Variants in EPB41L4A observed in about 807,000 individuals in gnomAD.
EPB41L4A encodes the protein band 4.1-like protein 4A.
EPB41L4A carries 100 observed loss-of-function variants against 108.6 expected under a neutral mutation model. The ratio of observed to expected loss-of-function variants is 0.92; its 90% CI spans 0.78 to 1.09. EPB41L4A has a LOEUF of 1.09. Among genes scored for constraint, EPB41L4A ranks in the 50% least tolerant of loss-of-function variants. EPB41L4A has a pLI of 0.00. For synonymous variants in EPB41L4A, 319 were observed against 289.0 expected (o/e 1.10, Z -1.05); for missense variants, 1,030 against 842.7 (o/e 1.22, Z -2.75).
chr5:112,293,902 T>G (rs1252152714), intron 2 of EPB41L4A, among the ~76,000 whole-genome samples: 1 of 152,250 alleles, frequency 6.6e-6, no homozygotes, highest in African/African-American at 2.4e-5. Flanking sequence ...TATTAAACAC[T>G]GTTTAACCAA....
intron 2 of EPB41L4A, among the ~76,000 whole-genome samples, chr5:112,303,402 C>T (rs1178548682): frequency 1.3e-5 from 2 of 152,120 alleles, no homozygotes; most frequent in Admixed American, 1.3e-4. Context: ...AGGAAATTAT[C>T]TCAGAGGTAA....
At position 112,307,473 on chromosome 5, in the gene EPB41L4A, G is replaced by T. The variant is rs367780924; in HGVS notation, c.117C>A (p.Ser39=). 1 of 1,612,598 alleles carries T rather than the reference G, an allele frequency of 6.2e-7. No homozygotes were observed. The highest frequency in any genetic ancestry group is 1.7e-4 in the Middle Eastern group (1 of 6,052). ...GATGGAATACGTGGTCAAGGACAAC[G>T]GAACCTTTCGTTGACTTCTGCAAAA... ...QQGIKKSTKG[S]VVLDHVFHHV... is the part of the protein sequence containing the mutation. The change falls in exon 2 of 23, where the codon TCC becomes TCA. Residue 39 remains serine (S), a synonymous_variant. Transcript: ENST00000261486.
intron 1 of EPB41L4A, among the ~76,000 whole-genome samples, chr5:112,324,213 C>A (rs1256675340): frequency 1.3e-5 from 2 of 151,956 alleles, no homozygotes; most frequent in Non-Finnish European, 2.9e-5. Flanking sequence ...CAGATGAGAA[C>A]GAAAAATTCT....
chr5:112,200,056 G>C (rs1158471296), intron 15 of EPB41L4A, among the ~76,000 whole-genome samples: 1 of 152,196 alleles, frequency 6.6e-6, no homozygotes, highest in African/African-American at 2.4e-5. Flanking sequence ...GTCCAGGTGG[G>C]CTGTAAGATC....
chr5:112,307,223 A>G (rs1396073210), intron 2 of EPB41L4A, among the ~76,000 whole-genome samples, 163 bp downstream of exon 2: 1 of 152,204 alleles, frequency 6.6e-6, no homozygotes, highest in Non-Finnish European at 1.5e-5. Context: ...TTTTGGCAGA[A>G]GAGGAAAAAA....
intron 12 of EPB41L4A, 127 bp downstream of exon 12, chr5:112,234,506 GA>G: frequency 2.3e-6 from 2 of 853,452 alleles, no homozygotes; most frequent in Non-Finnish European, 3.3e-6. Flanking sequence ...TCTAATATTA[GA>G]AAATTTTAAT....
At chr5:112,360,850 C>A (rs1354124834) in intron 1 of EPB41L4A, among the ~76,000 whole-genome samples, 1 of 151,878 alleles carries the variant, frequency 6.6e-6, no homozygotes, top group Non-Finnish European at 1.5e-5. Flanking sequence ...CCCGCCACTC[C>A]GTCTGGGATG....
At chr5:112,408,662 T>G (rs1762227944) in intron 1 of EPB41L4A, among the ~76,000 whole-genome samples, 2 of 91,246 alleles carry the variant, frequency 2.2e-5, no homozygotes, top group Non-Finnish European at 3.8e-5. Flanking sequence ...GGCAACATGG[T>G]GAGACTCCAT....
chr5:112,192,714 A>G (rs1364133573), intron 17 of EPB41L4A, among the ~76,000 whole-genome samples: 1 of 152,208 alleles, frequency 6.6e-6, no homozygotes, highest in African/African-American at 2.4e-5. Flanking sequence ...TTTGATGGCA[A>G]CCTTTCACTA....
At chr5:112,142,357 A>C (rs1759100303), downstream of EPB41L4A, 3 of 152,196 alleles carry the variant, frequency 2.0e-5, no homozygotes, top group South Asian at 6.2e-4. Context: ...AGCACCATTT[A>C]AGAACTTCCT....
At chr5:112,327,816 G>T (rs1756274724) in intron 1 of EPB41L4A, among the ~76,000 whole-genome samples, 1 of 152,164 alleles carries the variant, frequency 6.6e-6, no homozygotes. Context: ...AGGGAGAGAG[G>T]GAGGGAAGTG....
chr5:112,181,307 C>T (rs184238716), intron 18 of EPB41L4A, among the ~76,000 whole-genome samples: 3 of 152,112 alleles, frequency 2.0e-5, no homozygotes, highest in East Asian at 1.9e-4. Flanking sequence ...AAAAATTAGC[C>T]GGGCGTGGTG....
At position 112,267,153 on chromosome 5, in the gene EPB41L4A, A is replaced by G. The variant is rs188446424; in HGVS notation, c.336-823T>C. ...CTGCTAGTGGACTGAGAGGGGCCAGAGGTTTATGAACCAACATAATTAACC... is the reference window on the plus strand; with the variant it reads ...CTGCTAGTGGACTGAGAGGGGCCAGGGGTTTATGAACCAACATAATTAACC... On this transcript the variant is annotated intron_variant, in intron 4 of 22. Transcript: ENST00000261486. 2.0e-3 allele frequency among the ~76,000 whole-genome samples: 310 copies of G among 152,304 alleles called. 7 individuals carry two copies. Among genetic ancestry groups the G allele is most frequent in the East Asian group, 0.014 (73 of 5,178 alleles).
chr5:112,149,495 G>A (rs541167694), intron 12 of EPB41L4A, among the ~76,000 whole-genome samples: 2 of 152,168 alleles, frequency 1.3e-5, no homozygotes, highest in South Asian at 2.1e-4. Flanking sequence ...GAGACTTTGT[G>A]AGCACTCTAA....
chr5:112,295,703 C>T (rs1263959530), intron 2 of EPB41L4A, among the ~76,000 whole-genome samples: 1 of 152,060 alleles, frequency 6.6e-6, no homozygotes, highest in African/African-American at 2.4e-5. Flanking sequence ...TGTATTTTTC[C>T]ATTTTATACA....
At chr5:112,304,795 T>A (rs1754582640) in intron 2 of EPB41L4A, among the ~76,000 whole-genome samples, 1 of 152,178 alleles carries the variant, frequency 6.6e-6, no homozygotes, top group Non-Finnish European at 1.5e-5. Flanking sequence ...CCTATATCAA[T>A]CCTGACAGTT....
intron 15 of EPB41L4A, 34 bp from the exon 16 acceptor site, chr5:112,195,742 G>A (rs2150268284): frequency 5.0e-6 from 8 of 1,592,176 alleles, no homozygotes; most frequent in Non-Finnish European, 6.9e-6. Context: ...TAAGAAAACA[G>A]GAGATTATCA....
At chr5:112,303,892 G>A (rs765078800) in intron 2 of EPB41L4A, among the ~76,000 whole-genome samples, 3 of 152,096 alleles carry the variant, frequency 2.0e-5, no homozygotes, top group Non-Finnish European at 4.4e-5. Context: ...GGAGGGGAAC[G>A]GGAGGTTCTA....
At chr5:112,392,690 A>G (rs1761034434) in intron 1 of EPB41L4A, 2 of 152,222 alleles carry the variant, frequency 1.3e-5, no homozygotes, top group Admixed American at 1.3e-4. Flanking sequence ...ATGAGACAGA[A>G]GGTTAAAAAG....
Sources: allele counts gnomAD v4.1 joint callset (sites outside exome capture counted in the v4.1 genomes callset), GRCh38; gene constraint gnomAD v4.1.1; transcripts MANE v1.5; gene names NCBI Gene and HGNC (gene_info 2026-07-23, HGNC 2026-07-21).